Variants in PXDNL observed in about 807,000 individuals in gnomAD.
PXDNL encodes the protein probable oxidoreductase PXDNL.
In PXDNL, 145 loss-of-function variants were observed where a neutral mutation model predicts 150.8. The ratio of observed to expected loss-of-function variants is 0.96; its 90% CI spans 0.84 to 1.10. The LOEUF is 1.10. Among genes scored for constraint, PXDNL ranks in the 50% least tolerant of loss-of-function variants. The pLI is 0.00. For synonymous variants in PXDNL, 757 were observed against 725.7 expected (o/e 1.04, Z -0.69); for missense variants, 2,087 against 1,873.9 (o/e 1.11, Z -2.10).
chr8:51,356,970 C>T (rs1790443820), intron 19 of PXDNL, among the ~76,000 whole-genome samples: 1 of 152,132 alleles, frequency 6.6e-6, no homozygotes, highest in African/African-American at 2.4e-5. Context: ...AATCAAGCAG[C>T]TGATTCATCT....
chr8:51,807,519 T>C (rs1011451857), intron 1 of PXDNL, among the ~76,000 whole-genome samples: 1 of 152,134 alleles, frequency 6.6e-6, no homozygotes, highest in African/African-American at 2.4e-5. Context: ...CAAACACTGT[T>C]AGCATCTCCA....
In PXDNL at chr8:51,470,174, C is replaced by G. The variant is rs545053111; in HGVS notation, c.812+2013G>C. Among the ~76,000 whole-genome samples, 14 of 152,142 alleles carry G rather than the reference C, an allele frequency of 9.2e-5. No individual in the cohort carries two copies. In the South Asian group the frequency reaches 2.3e-3, roughly 25 times the overall value. On this transcript the variant is annotated intron_variant, in intron 8 of 22. Coordinates refer to ENST00000356297, the MANE Select transcript of PXDNL (RefSeq NM_144651.5). ...CAGCGATTTCTGTTTATCAAGTGCACTTGAGCAATCTAAAGAAGGAAATAA... is the reference window on the plus strand; with the variant it reads ...CAGCGATTTCTGTTTATCAAGTGCAGTTGAGCAATCTAAAGAAGGAAATAA...
At chr8:51,427,712 T>A (rs1246358721) in intron 12 of PXDNL, among the ~76,000 whole-genome samples, 1 of 152,104 alleles carries the variant, frequency 6.6e-6, no homozygotes, top group Non-Finnish European at 1.5e-5. Context: ...TACAGACCTC[T>A]CAGAAAGAAA....
intron 1 of PXDNL, among the ~76,000 whole-genome samples, chr8:51,792,385 C>A (rs2037521346): frequency 6.6e-6 from 1 of 152,202 alleles, no homozygotes. Context: ...GCTACCCTGT[C>A]TGGGAAACCA....
chr8:51,529,078 A>G (rs1386037615), intron 4 of PXDNL, among the ~76,000 whole-genome samples: 1 of 152,216 alleles, frequency 6.6e-6, no homozygotes, highest in Non-Finnish European at 1.5e-5. Flanking sequence ...ATTATGGACG[A>G]TGTCAGGTTT....
At chr8:51,808,778 C>T (rs536107176) in intron 1 of PXDNL, among the ~76,000 whole-genome samples, 1 of 152,276 alleles carries the variant, frequency 6.6e-6, no homozygotes, top group East Asian at 1.9e-4. Context: ...CAATTGAAAC[C>T]ACACTCTAAA....
chr8:51,510,496 T>A (rs1811389388), intron 4 of PXDNL, among the ~76,000 whole-genome samples: 1 of 152,140 alleles, frequency 6.6e-6, no homozygotes, highest in Non-Finnish European at 1.5e-5. Context: ...GACACTGAGG[T>A]TGGCTCATAT....
At chr8:51,393,072 T>C (rs1269584921) in intron 17 of PXDNL, among the ~76,000 whole-genome samples, 1 of 152,246 alleles carries the variant, frequency 6.6e-6, no homozygotes, top group Non-Finnish European at 1.5e-5. Context: ...TTCTGAAGTA[T>C]ACATTTTATG....
intron 17 of PXDNL, among the ~76,000 whole-genome samples, chr8:51,388,105 C>G (rs550394618): frequency 1.3e-5 from 2 of 152,170 alleles, no homozygotes; most frequent in South Asian, 4.1e-4. Context: ...ATAATGTGCT[C>G]TTTAAAATTT....
chr8:51,686,245 G>A (rs1815868998), intron 1 of PXDNL, among the ~76,000 whole-genome samples: 1 of 152,188 alleles, frequency 6.6e-6, no homozygotes, highest in South Asian at 2.1e-4. Context: ...TCTTGGTAAT[G>A]TGATAACAGC....
intron 6 of PXDNL, among the ~76,000 whole-genome samples, chr8:51,480,446 A>G (rs1225635735): frequency 6.6e-6 from 1 of 152,166 alleles, no homozygotes; most frequent in Non-Finnish European, 1.5e-5. Context: ...TATAATGACC[A>G]GATCTCAAGA....
intron 21 of PXDNL, among the ~76,000 whole-genome samples, chr8:51,339,138 G>T (rs757442028): frequency 1.3e-5 from 2 of 152,064 alleles, no homozygotes; most frequent in Non-Finnish European, 2.9e-5. Flanking sequence ...TTTCCCCAAG[G>T]CCTCCTTCCC....
At position 51,408,976 on chromosome 8, in the gene PXDNL, G is replaced by A. The variant is rs879478011; in HGVS notation, c.2648C>T (p.Ala883Val). The A allele has an allele frequency of 8.7e-6, 14 of 1,612,006 alleles. No homozygotes were observed. The highest frequency in any genetic ancestry group is 1.3e-5 in the African/African-American group (1 of 74,948). The change falls in exon 17 of 23, where the codon GCA (alanine) becomes GTA (valine). Residue 883 changes from alanine to valine, a missense_variant. Ala to Val is a moderately conservative substitution (Grantham distance 64). Coordinates refer to ENST00000356297, the MANE Select transcript of PXDNL (RefSeq NM_144651.5). ...TGTTTGCTGGTTGATCTGCTCTCGT[G>A]CATAGACTGAATCCACCGTCGCAGA... is the stretch of plus-strand genomic sequence containing the variant. ...RPSATVDSVY[A>V]REQINQQTAY...
At chr8:51,454,688 G>A (rs868582202) in intron 9 of PXDNL, among the ~76,000 whole-genome samples, 4 of 152,154 alleles carry the variant, frequency 2.6e-5, no homozygotes, top group African/African-American at 4.8e-5. Context: ...ATTCTGGAAA[G>A]TGGAAATAAA....
chr8:51,452,941 C>CACACACACACACACACAA (rs1554541864), intron 10 of PXDNL, among the ~76,000 whole-genome samples: 167 of 5,086 alleles, frequency 0.033, no homozygotes, highest in African/African-American at 0.053. Context: ...CACAAACACA[C>CACACACACACACACACAA]ACACACACAC....
rs1398654235 is a variant in PXDNL, at chr8:51,339,663, T to A, written c.4107A>T (p.Ala1369=). Residue 1369 remains alanine, a synonymous_variant, in exon 21 of 23, where the codon GCA becomes GCT. Transcript: ENST00000356297. ...CTGTGATGGTTTCCTGAATTTCCGCTGCAAACGTGCTGAAATCTTGGGAGA... is the reference window on the plus strand; with the variant it reads ...CTGTGATGGTTTCCTGAATTTCCGCAGCAAACGTGCTGAAATCTTGGGAGA... ...TKFSQDFSTF[A]AEIQETITAL... is the part of the protein sequence containing the mutation. The A allele has an allele frequency of 6.2e-7, 1 of 1,613,856 alleles. No homozygotes were observed. Among genetic ancestry groups the A allele is most frequent in the Non-Finnish European group, 8.5e-7 (1 of 1,179,792 alleles).
chr8:51,479,410 A>G (rs530209764), intron 6 of PXDNL, among the ~76,000 whole-genome samples: 1 of 152,328 alleles, frequency 6.6e-6, no homozygotes, highest in East Asian at 1.9e-4. Context: ...TTCTCCCACC[A>G]CCAAAATGGA....
At chr8:51,632,881 G>C (rs1482998441) in intron 2 of PXDNL, among the ~76,000 whole-genome samples, 1 of 151,754 alleles carries the variant, frequency 6.6e-6, no homozygotes, top group East Asian at 1.9e-4. Flanking sequence ...GTTTTGTTTT[G>C]TTTTCTGTAA....
At chr8:51,321,780 G>A (rs1805322494) in intron 21 of PXDNL, among the ~76,000 whole-genome samples, 1 of 152,090 alleles carries the variant, frequency 6.6e-6, no homozygotes, top group Admixed American at 6.6e-5. Flanking sequence ...ATTGCCCAGT[G>A]TCAGGTAGTT....
Sources: gnomAD v4.1 joint callset for allele counts (sites outside exome capture counted in the v4.1 genomes callset) on GRCh38, gnomAD v4.1.1 for gene constraint, MANE v1.5 for transcripts, NCBI Gene and HGNC (gene_info 2026-07-23, HGNC 2026-07-21) for gene names.